The following FHIT variants were observed in gnomAD, a reference collection of about 807,000 sequenced individuals.
FHIT encodes the protein fragile histidine triad diadenosine triphosphatase, also known as bis(5'-adenosyl)-triphosphatase.
In FHIT, 19 loss-of-function variants were observed where a neutral mutation model predicts 17.9. That is an observed-to-expected ratio of 1.06 (90% CI 0.74 to 1.56). FHIT has a LOEUF of 1.56. Ranked by LOEUF, FHIT falls within the 40% of genes most tolerant of loss-of-function variation. FHIT has a pLI of 0.00. For synonymous variants in FHIT, 81 were observed against 69.7 expected, an observed-to-expected ratio of 1.16 and a Z score of -0.81; for missense variants, 248 against 189.2, an observed-to-expected ratio of 1.31 and a Z score of -1.82.
chr3:60,336,005 CATA>C (rs1458369833), intron 5 of FHIT, among the ~76,000 whole-genome samples: 1 of 152,186 alleles, frequency 6.6e-6, no homozygotes, highest in Non-Finnish European at 1.5e-5. Context: ...TGCTTTCTAT[CATA>C]ATGATTATTT....
chr3:60,505,937 T>C (rs1167232222), intron 5 of FHIT, among the ~76,000 whole-genome samples: 2 of 152,188 alleles, frequency 1.3e-5, no homozygotes, highest in East Asian at 3.8e-4. Context: ...GGCCTCCTCA[T>C]GCCAACCCAC....
intron 5 of FHIT, among the ~76,000 whole-genome samples, chr3:60,520,780 C>T (rs544712437): frequency 8.5e-5 from 13 of 152,180 alleles, no homozygotes; most frequent in Middle Eastern, 3.4e-3. Context: ...AGTTGAGCAT[C>T]TAGACTCATC....
At chr3:60,846,909 C>A (rs989037094) in intron 3 of FHIT, among the ~76,000 whole-genome samples, 6 of 152,004 alleles carry the variant, frequency 3.9e-5, no homozygotes, top group Admixed American at 3.3e-4. Flanking sequence ...CTGCAACCTC[C>A]GCCTCCCAGG....
intron 8 of FHIT, among the ~76,000 whole-genome samples, chr3:59,806,396 T>C (rs1027490630): frequency 4.6e-5 from 7 of 152,088 alleles, no homozygotes; most frequent in Admixed American, 2.6e-4. Context: ...TGGAAGAAAC[T>C]GAACCTAGTT....
intron 8 of FHIT, among the ~76,000 whole-genome samples, chr3:59,782,241 A>C (rs1047372219): frequency 6.6e-6 from 1 of 152,204 alleles, no homozygotes; most frequent in African/African-American, 2.4e-5. Flanking sequence ...GTCATGAGCT[A>C]CTGCGCCTGG....
At chr3:59,772,414 CACTG>C (rs144803242) in intron 8 of FHIT, among the ~76,000 whole-genome samples, 3,325 of 152,340 alleles carry the variant, frequency 0.022, 101 homozygotes, top group East Asian at 0.14. Context: ...TAACAGTGAA[CACTG>C]ACTGTGTGCA....
chr3:60,086,263 C>G (rs1484441244), intron 5 of FHIT, among the ~76,000 whole-genome samples: 1 of 152,104 alleles, frequency 6.6e-6, no homozygotes, highest in Non-Finnish European at 1.5e-5. Flanking sequence ...GAAGGATCTG[C>G]CCTCCTGACC....
At chr3:61,211,856 C>T (rs545871794) in intron 1 of FHIT, among the ~76,000 whole-genome samples, 19 of 152,200 alleles carry the variant, frequency 1.2e-4, no homozygotes, top group African/African-American at 3.6e-4. Flanking sequence ...CACGAAAATC[C>T]GCTGTTCTGC....
At position 60,198,801 on chromosome 3, in the gene FHIT, C is replaced by A. The variant is rs536811776; in HGVS notation, c.104-184649G>T. 1.2e-4 allele frequency among the ~76,000 whole-genome samples: 18 copies of A among 152,146 alleles called. No homozygotes were observed. In the South Asian group the frequency reaches 3.5e-3, roughly 30 times the overall value. ...TTCTTCATATTTGAATGGAATAATT[C>A]CAGAGAATCACTGAAAAATGCATTT... On this transcript the variant is annotated intron_variant, in intron 5 of 9. Coordinates refer to ENST00000492590, the MANE Select transcript of FHIT (RefSeq NM_002012.4).
At chr3:59,886,938 C>T (rs528951175) in intron 8 of FHIT, among the ~76,000 whole-genome samples, 1 of 152,096 alleles carries the variant, frequency 6.6e-6, no homozygotes, top group Non-Finnish European at 1.5e-5. Context: ...GCAGGGCTAC[C>T]AGAGAACCAG....
At chr3:60,863,251 T>A (rs1553753101) in intron 3 of FHIT, among the ~76,000 whole-genome samples, 1 of 152,176 alleles carries the variant, frequency 6.6e-6, no homozygotes, top group African/African-American at 2.4e-5. Flanking sequence ...GGGACTTCAG[T>A]CCTACAACCA....
intron 4 of FHIT, among the ~76,000 whole-genome samples, chr3:60,779,305 T>A (rs1352831991): frequency 2.0e-5 from 3 of 152,182 alleles, no homozygotes; most frequent in Middle Eastern, 3.2e-3. Context: ...TTCATCTACC[T>A]TTTAGACCAA....
At chr3:60,952,491 G>C (rs6809331) in intron 3 of FHIT, among the ~76,000 whole-genome samples, 86,386 of 152,030 alleles carry the variant, frequency 0.57, 25,614 homozygotes, top group East Asian at 0.87. Context: ...TACTATTCCA[G>C]GAGAAGGGCA....
chr3:60,894,091 C>A (rs1705657557), intron 3 of FHIT, among the ~76,000 whole-genome samples: 1 of 152,134 alleles, frequency 6.6e-6, no homozygotes, highest in Non-Finnish European at 1.5e-5. Flanking sequence ...AAACATTTAG[C>A]ATGCTTTTTA....
intron 3 of FHIT, among the ~76,000 whole-genome samples, chr3:60,901,155 T>C (rs1706095620): frequency 6.6e-6 from 1 of 152,258 alleles, no homozygotes; most frequent in Non-Finnish European, 1.5e-5. Flanking sequence ...TATTTTGTTT[T>C]TCCTTAGCTT....
intron 3 of FHIT, among the ~76,000 whole-genome samples, chr3:60,885,521 C>T (rs548644915): frequency 1.2e-4 from 19 of 152,216 alleles, no homozygotes; most frequent in South Asian, 4.1e-4. Flanking sequence ...TAAATCAGAT[C>T]ATGTCATGCC....
chr3:59,766,099 G>A (rs772204139), intron 8 of FHIT, among the ~76,000 whole-genome samples: 1 of 152,128 alleles, frequency 6.6e-6, no homozygotes, highest in Non-Finnish European at 1.5e-5. Context: ...CAAGGGGATG[G>A]TTTTTTGTGT....
chr3:61,087,065 A>G (rs1371972080), intron 2 of FHIT, among the ~76,000 whole-genome samples: 2 of 152,002 alleles, frequency 1.3e-5, no homozygotes, highest in South Asian at 2.1e-4. Flanking sequence ...CCTGATCTTC[A>G]CATGCCTGCC....
At chr3:60,445,424 A>G (rs773017627) in intron 5 of FHIT, among the ~76,000 whole-genome samples, 7 of 152,056 alleles carry the variant, frequency 4.6e-5, no homozygotes, top group Non-Finnish European at 1.0e-4. Flanking sequence ...AGGTCATCAA[A>G]GAAAGCACAC....
Sources: gnomAD v4.1 joint callset for allele counts (sites outside exome capture counted in the v4.1 genomes callset) on GRCh38, gnomAD v4.1.1 for gene constraint, MANE v1.5 for transcripts, NCBI Gene and HGNC (gene_info 2026-07-23, HGNC 2026-07-21) for gene names.